KIF13B: variants seen among roughly 807,000 people sequenced by gnomAD.
KIF13B encodes the protein kinesin-like protein KIF13B.
In KIF13B, 127 loss-of-function variants were observed where a neutral mutation model predicts 222.0. The ratio of observed to expected loss-of-function variants is 0.57; its 90% confidence interval spans 0.50 to 0.66. The LOEUF (loss-of-function observed/expected upper bound fraction) is 0.66. KIF13B is among the 30% of genes least tolerant of loss of function. The pLI, the probability that KIF13B is intolerant of heterozygous loss-of-function variation, is 0.00. For synonymous variants in KIF13B, 976 were observed against 919.0 expected, an observed-to-expected ratio of 1.06 and a Z score of -1.12; for missense variants, 2,173 against 2,379.0, an observed-to-expected ratio of 0.91 and a Z score of 1.80.
chr8:29,086,290 G>A (rs901227777), intron 37 of KIF13B, among the ~76,000 whole-genome samples: 6 of 152,174 alleles, frequency 3.9e-5, no homozygotes, highest in African/African-American at 1.4e-4. Context: ...GAAGTTTTAA[G>A]TCTCCAAGCT....
rs146960488 is a variant in KIF13B at position 29,250,217 on chromosome 8, C to G, written c.56-4778G>C. ...AAGAACTCTAAGTGCCGTTCTCATA[C>G]AGAATACATCTAGAACGCAGGCCTG... On this transcript the variant is annotated intron_variant, in intron 1 of 39. Coordinates refer to ENST00000524189, the MANE Select transcript of KIF13B (RefSeq NM_015254.4). 236 of 383,028 alleles carry G rather than the reference C, an allele frequency of 6.2e-4. 3 individuals are homozygous for G. In the East Asian group the frequency reaches 0.015, roughly 25 times the overall value. 23.7% of individuals were successfully genotyped at this position (383,028 alleles called of 1,614,324 possible).
chr8:29,130,900 G>A (rs1810313891), intron 23 of KIF13B, among the ~76,000 whole-genome samples: 1 of 152,164 alleles, frequency 6.6e-6, no homozygotes, highest in African/African-American at 2.4e-5. Context: ...TCAAAAAGAT[G>A]TAATGACAAA....
intron 15 of KIF13B, 100 bp from the exon 16 acceptor site, chr8:29,148,867 T>C (rs902663091): frequency 4.4e-6 from 4 of 898,888 alleles, no homozygotes; most frequent in African/African-American, 3.4e-5. Context: ...GTGGATACCA[T>C]GTAAGTACAA....
At chr8:29,085,849 C>CAAAAAAAA (rs752162185) in intron 37 of KIF13B, among the ~76,000 whole-genome samples, 1 of 67,366 alleles carries the variant, frequency 1.5e-5, no homozygotes, top group Admixed American at 1.7e-4. Flanking sequence ...GAGCCCGTAA[C>CAAAAAAAA]AAAAAAAAAA....
At chr8:29,150,227 T>C (rs1811237860) in intron 15 of KIF13B, 70 bp downstream of exon 15, 7 of 832,288 alleles carry the variant, frequency 8.4e-6, no homozygotes, top group African/African-American at 1.7e-5. Context: ...GGTTTACTTT[T>C]TAACATGTAT....
chr8:29,169,873 T>G (rs1011089936), intron 10 of KIF13B, among the ~76,000 whole-genome samples: 10 of 152,232 alleles, frequency 6.6e-5, no homozygotes, highest in Admixed American at 1.3e-4. Context: ...TGAGAACCAC[T>G]GCACACTGTC....
rs1410846690 is a variant in KIF13B at position 29,071,796 on chromosome 8, CCCGGGG to C, written c.5036_5041del (p.Ala1679_Pro1680del). ...AGAGGCCAGGGCCTGTCCCCCGGCG[CCCGGGG>C]CCGGCGCATTCCCCTCGGCCCCCGG... On this transcript the variant is annotated inframe_deletion, in exon 39 of 40. Coordinates refer to ENST00000524189, the MANE Select transcript of KIF13B (RefSeq NM_015254.4). The surrounding 1 kb of genome is among the most constrained non-coding windows in gnomAD (Gnocchi z 4.9). The C allele has an allele frequency of 1.6e-5, 25 of 1,546,600 alleles. No homozygotes were observed. Among genetic ancestry groups the C allele is most frequent in the Non-Finnish European group, 1.7e-6 (2 of 1,146,288 alleles).
At chr8:29,253,097 G>A (rs905662310) in intron 1 of KIF13B, among the ~76,000 whole-genome samples, 5 of 152,148 alleles carry the variant, frequency 3.3e-5, no homozygotes, top group Admixed American at 2.0e-4. Context: ...CCAGCTACTT[G>A]GGAGTCTGAA....
intron 35 of KIF13B, among the ~76,000 whole-genome samples, chr8:29,104,793 G>C (rs748910592): frequency 2.0e-5 from 3 of 151,866 alleles, no homozygotes; most frequent in African/African-American, 7.3e-5. Context: ...GCCCAGGCTG[G>C]AGTGCAGTGG....
rs573807198 is a variant in KIF13B, at chr8:29,069,189, C to T, written c.*1315G>A. 2.0e-5 allele frequency: 3 copies of T among 152,394 alleles called. No homozygotes were observed. Among genetic ancestry groups the T allele is most frequent in the South Asian group, 2.1e-4 (1 of 4,832 alleles). 9.4% of individuals were successfully genotyped at this position (152,394 alleles called of 1,614,324 possible). On this transcript the variant is annotated 3_prime_UTR_variant, in exon 40 of 40. Transcript: ENST00000524189. ...AGATTGGTGGCCTTCCACACATAGA[C>T]GCTAACCCCCATCCCACAAACCTGG...
intron 2 of KIF13B, among the ~76,000 whole-genome samples, chr8:29,229,054 A>G (rs1267538401): frequency 7.5e-6 from 1 of 132,790 alleles, no homozygotes; most frequent in Non-Finnish European, 1.6e-5. Flanking sequence ...ACTTAGCTGT[A>G]TGTGGGTTTT....
chr8:29,112,557 T>C (rs1000780812), intron 32 of KIF13B, among the ~76,000 whole-genome samples: 1 of 152,194 alleles, frequency 6.6e-6, no homozygotes, highest in African/African-American at 2.4e-5. Flanking sequence ...GGTGCTGGTG[T>C]TGATGGCATG....
At chr8:29,230,455 C>A (rs1267475427) in intron 2 of KIF13B, among the ~76,000 whole-genome samples, 1 of 152,112 alleles carries the variant, frequency 6.6e-6, no homozygotes, top group African/African-American at 2.4e-5. Flanking sequence ...GCAAAGGGAC[C>A]AGACAGGCCC....
At chr8:29,090,351 G>C (rs991532366) in intron 37 of KIF13B, among the ~76,000 whole-genome samples, 16 of 152,172 alleles carry the variant, frequency 1.1e-4, no homozygotes, top group African/African-American at 3.6e-4. Context: ...TTTATGCATG[G>C]AAGGAAACAG....
At chr8:29,215,759 G>A (rs1453317506) in intron 2 of KIF13B, among the ~76,000 whole-genome samples, 3 of 152,270 alleles carry the variant, frequency 2.0e-5, no homozygotes, top group Middle Eastern at 3.4e-3. Context: ...AGAAAGCAAC[G>A]GGAATCTTTG....
intron 2 of KIF13B, among the ~76,000 whole-genome samples, chr8:29,210,386 C>G (rs942775836): frequency 6.6e-6 from 1 of 152,156 alleles, no homozygotes; most frequent in African/African-American, 2.4e-5. Flanking sequence ...GATGGAAGAA[C>G]TGATTGTCCA....
At chr8:29,140,256 T>C (rs1368058818) in intron 20 of KIF13B, 65 bp from the exon 21 acceptor site, 19 of 1,592,598 alleles carry the variant, frequency 1.2e-5, no homozygotes, top group Non-Finnish European at 1.6e-5. Flanking sequence ...TGAGATGACC[T>C]CTCTTCTCTT....
chr8:29,180,296 T>C (rs1812658475), intron 7 of KIF13B, 58 bp from the exon 8 acceptor site: 11 of 1,548,492 alleles, frequency 7.1e-6, no homozygotes, highest in Non-Finnish European at 8.0e-6. Context: ...CACACTAAAA[T>C]CCTGCTATAC....
At chr8:29,254,546 A>G (rs1466560112) in intron 1 of KIF13B, among the ~76,000 whole-genome samples, 1 of 152,244 alleles carries the variant, frequency 6.6e-6, no homozygotes, top group African/African-American at 2.4e-5. Context: ...CAATATGCAC[A>G]TGAAAAGACG....
Sources: gnomAD v4.1 joint callset for allele counts (sites outside exome capture counted in the v4.1 genomes callset) on GRCh38, gnomAD v4.1.1 for gene constraint, Gnocchi (gnomAD v3.1) non-coding constraint, MANE v1.5 for transcripts, NCBI Gene and HGNC (gene_info 2026-07-23, HGNC 2026-07-21) for gene names.